Variants in ARAP1 observed in about 807,000 individuals in gnomAD.
The protein encoded by ARAP1 is arf-GAP with Rho-GAP domain, ANK repeat and PH domain-containing protein 1.
ARAP1 carries 76 observed loss-of-function variants against 172.2 expected under a neutral mutation model. That is an observed-to-expected ratio of 0.44 (90% confidence interval 0.37 to 0.53). The LOEUF (loss-of-function observed/expected upper bound fraction) is 0.53, where lower values mean the gene tolerates loss of function less well. Among genes scored for constraint, ARAP1 ranks in the 20% least tolerant of loss-of-function variants. The pLI, the probability that ARAP1 is intolerant of heterozygous loss-of-function variation, is 0.00. For synonymous variants in ARAP1, 804 were observed against 803.3 expected, an observed-to-expected ratio of 1.00 and a Z score of -0.01; for missense variants, 1,686 against 1,977.5, an observed-to-expected ratio of 0.85 and a Z score of 2.80.
At chr11:72,702,827 G>C in intron 15 of ARAP1, 78 bp downstream of exon 15, 1 of 1,504,704 alleles carries the variant, frequency 6.6e-7, no homozygotes, top group East Asian at 2.5e-5. Flanking sequence ...CTGCGATCAC[G>C]GCCTGAGAGC....
chr11:72,727,357 C>T (rs144326512), intron 2 of ARAP1, among the ~76,000 whole-genome samples, 185 bp from the exon 3 acceptor site: 32 of 152,306 alleles, frequency 2.1e-4, no homozygotes, highest in Non-Finnish European at 4.1e-4. Flanking sequence ...CTCTTCTCTC[C>T]GCCTGAACCC....
At chr11:72,711,389 G>C (rs1317980400) in intron 8 of ARAP1, 41 bp downstream of exon 8, 1 of 1,594,012 alleles carries the variant, frequency 6.3e-7, no homozygotes, top group Admixed American at 1.7e-5. Context: ...GGCCAGCCTA[G>C]GCTGGAGCAG....
chr11:72,704,631 C>A, intron 13 of ARAP1: 1 of 357,776 alleles, frequency 2.8e-6, no homozygotes, highest in Non-Finnish European at 5.1e-6. Flanking sequence ...GCTGCCCCAC[C>A]CAGTTCCACA....
Position 72,686,026 on chromosome 11 carries a change from A to G in ARAP1, c.4335+16T>C. The G allele has an allele frequency of 6.2e-7, 1 of 1,613,968 alleles. No individual in the cohort carries two copies. Among genetic ancestry groups the G allele is most frequent in the Non-Finnish European group, 8.5e-7 (1 of 1,179,994 alleles). On this transcript the variant is annotated intron_variant, in intron 34 of 34. Coordinates refer to ENST00000393609, the MANE Select transcript of ARAP1 (RefSeq NM_001040118.3). ...GGCCCCCAGCCCCCTGCCCAAAGGCATGGAGAGCCACTCACAGACAGAGGG... is the reference window on the plus strand; with the variant it reads ...GGCCCCCAGCCCCCTGCCCAAAGGCGTGGAGAGCCACTCACAGACAGAGGG...
chr11:72,727,229 C>T lies in ARAP1; in HGVS notation c.-44-57G>A, dbSNP rs932338910. 8.7e-6 allele frequency: 12 copies of T among 1,373,588 alleles called. No homozygotes were observed. The African/African-American group carries it at 1.0e-4, about 12-fold the overall frequency. 85.1% of individuals were successfully genotyped at this position (1,373,588 alleles called of 1,614,324 possible). Reference sequence around the variant, plus strand: ...CAGGGCTGCCGAGGATTGGTCCCCTCACCAGCAGCCTGCATGGCTCTCTCA... The same window carrying T: ...CAGGGCTGCCGAGGATTGGTCCCCTTACCAGCAGCCTGCATGGCTCTCTCA... On this transcript the variant is annotated intron_variant, in intron 2 of 34. Coordinates refer to ENST00000393609, the MANE Select transcript of ARAP1 (RefSeq NM_001040118.3).
intron 30 of ARAP1, among the ~76,000 whole-genome samples, chr11:72,692,552 G>C (rs1383842635): frequency 6.6e-6 from 1 of 152,178 alleles, no homozygotes; most frequent in Non-Finnish European, 1.5e-5. Context: ...ACCCTATATT[G>C]GGGAAAGGAC....
intron 2 of ARAP1, among the ~76,000 whole-genome samples, chr11:72,727,630 G>A (rs1015394092): frequency 4.6e-5 from 7 of 152,190 alleles, no homozygotes; most frequent in African/African-American, 1.4e-4. Flanking sequence ...AGCATTGAAG[G>A]ATACCACTGC....
chr11:72,697,747 C>A, intron 19 of ARAP1, 98 bp from the exon 20 acceptor site: 1 of 1,560,216 alleles, frequency 6.4e-7, no homozygotes, highest in South Asian at 1.2e-5. Flanking sequence ...GAGACCCGCC[C>A]ACCAATGTAT....
intron 13 of ARAP1, chr11:72,705,224 A>T (rs1338964574): frequency 6.5e-6 from 1 of 152,722 alleles, no homozygotes; most frequent in African/African-American, 2.4e-5. Flanking sequence ...GCATAAATGT[A>T]CACGTGTGTG....
At chr11:72,738,144 C>T (rs1858089149) in intron 1 of ARAP1, among the ~76,000 whole-genome samples, 1 of 152,146 alleles carries the variant, frequency 6.6e-6, no homozygotes, top group African/African-American at 2.4e-5. Flanking sequence ...GGAGGCCATT[C>T]CAGGCAAAGG....
At position 72,693,364 on chromosome 11, in the gene ARAP1, G is replaced by A. The variant is rs1856024618; in HGVS notation, c.3915C>T (p.Ile1305=). ...PSGGFHDRYF[I]LNSSCLRLYK... ...AGAGCCGCAAGCAGCTGCTGTTGAGGATGAAGTAGCGATCGTGGAAGCCAC... is the reference window on the plus strand; with the variant it reads ...AGAGCCGCAAGCAGCTGCTGTTGAGAATGAAGTAGCGATCGTGGAAGCCAC... Residue 1305 remains isoleucine, a synonymous_variant, in exon 29 of 35, where the codon ATC becomes ATT. Transcript: ENST00000393609. The surrounding 1 kb of genome is among the most constrained non-coding windows in gnomAD (Gnocchi z 4.6). 1.9e-6 allele frequency: 3 copies of A among 1,613,922 alleles called. No individual in the cohort carries two copies. The highest frequency in any genetic ancestry group is 2.5e-6 in the Non-Finnish European group (3 of 1,179,850).
intron 1 of ARAP1, among the ~76,000 whole-genome samples, chr11:72,745,203 T>G (rs1364003765): frequency 1.4e-5 from 2 of 146,228 alleles, no homozygotes; most frequent in Admixed American, 1.4e-4. Context: ...TTTTTTTTTT[T>G]TTTGAGACGG....
At position 72,695,893 on chromosome 11, in the gene ARAP1, G is replaced by C. The variant is rs745714810; in HGVS notation, c.3273-28C>G. The C allele has an allele frequency of 6.3e-7, 1 of 1,597,790 alleles. No individual in the cohort carries two copies. Reference sequence around the variant, plus strand: ...GGAGAGGGGAGGAGGAGGGCTTTGAGTGAGGAGTCAGGCCAGAGCTTCCCA... The same window carrying C: ...GGAGAGGGGAGGAGGAGGGCTTTGACTGAGGAGTCAGGCCAGAGCTTCCCA... On this transcript the variant is annotated intron_variant, in intron 23 of 34. Coordinates refer to ENST00000393609, the MANE Select transcript of ARAP1 (RefSeq NM_001040118.3). This position sits in a 1 kb window ranked among gnomAD's most constrained non-coding sequence, Gnocchi z 4.4.
In ARAP1 at chr11:72,722,745, A is replaced by G. The variant is rs369844665; in HGVS notation, c.509+3875T>C. Among the ~76,000 whole-genome samples, 61 of 152,308 alleles carry G rather than the reference A, an allele frequency of 4.0e-4. 1 individual carries two copies. The East Asian group carries it at 0.011, about 27-fold the overall frequency. Reference sequence around the variant, plus strand: ...CTGAGGTGCCTCCAGGCATCCAGGTATCAGAGGGGGACACCAAAGGCCAGA... The same window carrying G: ...CTGAGGTGCCTCCAGGCATCCAGGTGTCAGAGGGGGACACCAAAGGCCAGA... On this transcript the variant is annotated intron_variant, in intron 3 of 34. Transcript: ENST00000393609.
intron 1 of ARAP1, 78 bp downstream of exon 1, chr11:72,752,250 C>T: frequency 6.6e-6 from 1 of 152,562 alleles, no homozygotes; most frequent in Non-Finnish European, 1.5e-5. Context: ...CTCGGCGTTC[C>T]TTTCTGCAGA....
In ARAP1 at chr11:72,710,714, G is replaced by A; in HGVS notation, c.1214-127C>T. The A allele has an allele frequency of 9.2e-7, 1 of 1,090,126 alleles. No homozygotes were observed. The highest frequency in any genetic ancestry group is 1.3e-6 in the Non-Finnish European group (1 of 781,334). 67.5% of individuals were successfully genotyped at this position (1,090,126 alleles called of 1,614,324 possible). A position where few individuals can be genotyped will look rare whatever the true frequency, so the allele number is the denominator to read the frequency against. ...CTCAGATGCCCCCATCATTTTGCTT[G>A]ACTTCTCTGACTTGAACGAGCTCAG... On this transcript the variant is annotated intron_variant, in intron 9 of 34. Coordinates refer to ENST00000393609, the MANE Select transcript of ARAP1 (RefSeq NM_001040118.3). This position sits in a 1 kb window ranked among gnomAD's most constrained non-coding sequence, Gnocchi z 4.3.
In ARAP1 at chr11:72,697,523, C is replaced by G. The variant is rs1484226819; in HGVS notation, c.2790-37G>C. 1.9e-6 allele frequency: 3 copies of G among 1,612,832 alleles called. No individual in the cohort carries two copies. The Admixed American group carries it at 5.0e-5, about 27-fold the overall frequency. On this transcript the variant is annotated intron_variant, in intron 20 of 34. Transcript: ENST00000393609. ...ACAGTCAGTCACTGAGGGGCCTACA[C>G]CTATCCCACCCTGTCCCCAGGCCCA...
At chr11:72,745,526 T>A (rs900017908) in intron 1 of ARAP1, among the ~76,000 whole-genome samples, 1 of 151,624 alleles carries the variant, frequency 6.6e-6, no homozygotes, top group African/African-American at 2.4e-5. Context: ...AAGTTTCAAG[T>A]GGGTGAAAGC....
At chr11:72,737,152 T>A (rs1170996440) in intron 1 of ARAP1, among the ~76,000 whole-genome samples, 2 of 152,136 alleles carry the variant, frequency 1.3e-5, no homozygotes, top group African/African-American at 2.4e-5. Flanking sequence ...GGGGTCCACC[T>A]CCACCCAATC....
Sources: allele counts gnomAD v4.1 joint callset (sites outside exome capture counted in the v4.1 genomes callset), GRCh38; gene constraint gnomAD v4.1.1; non-coding constraint Gnocchi (gnomAD v3.1); transcripts MANE v1.5; gene names NCBI Gene and HGNC (gene_info 2026-07-23, HGNC 2026-07-21).